INSYN2B: variants seen among roughly 807,000 people sequenced by gnomAD.
INSYN2B encodes the protein inhibitory synaptic factor family member 2B.
In INSYN2B, 16 loss-of-function variants were observed where a neutral mutation model predicts 41.2. That is an observed-to-expected ratio of 0.39 (90% confidence interval 0.26 to 0.59). The LOEUF (loss-of-function observed/expected upper bound fraction) is 0.59. Ranked by LOEUF, INSYN2B falls within the 20% of genes least tolerant of loss-of-function variation. The pLI is 0.57. For synonymous variants in INSYN2B, 245 were observed against 244.4 expected (o/e 1.00, Z -0.02); for missense variants, 608 against 646.4 (o/e 0.94, Z 0.64).
Position 169,886,652 on chromosome 5 carries a change from C to T in INSYN2B, c.-918-1836G>A, listed in dbSNP as rs546307098. Among the ~76,000 whole-genome samples, 17 of 152,298 alleles carry T rather than the reference C, an allele frequency of 1.1e-4. No individual in the cohort carries two copies. The South Asian group carries it at 2.5e-3, about 22-fold the overall frequency. ...AAAATAACCTCCTGTATATTATCCCCGTTTTGCAGAGTAAGCAGTTGAAAT... is the reference window on the plus strand; with the variant it reads ...AAAATAACCTCCTGTATATTATCCCTGTTTTGCAGAGTAAGCAGTTGAAAT... On this transcript the variant is annotated intron_variant, in intron 1 of 3. Coordinates refer to ENST00000377365, the MANE Select transcript of INSYN2B (RefSeq NM_001129891.3).
At chr5:169,971,411 C>T (rs1041986578) in intron 1 of INSYN2B, among the ~76,000 whole-genome samples, 1 of 145,078 alleles carries the variant, frequency 6.9e-6, no homozygotes, top group Non-Finnish European at 1.5e-5. Context: ...TTCCTTCTGC[C>T]CCTTTCCTCC....
chr5:169,930,953 C>T (rs2113681543), intron 1 of INSYN2B, among the ~76,000 whole-genome samples: 1 of 152,322 alleles, frequency 6.6e-6, no homozygotes, highest in African/African-American at 2.4e-5. Context: ...TGGGCCAGTC[C>T]CTTTTACAAG....
chr5:169,958,286 T>G (rs181076260), intron 1 of INSYN2B, among the ~76,000 whole-genome samples: 2 of 152,268 alleles, frequency 1.3e-5, no homozygotes, highest in East Asian at 3.9e-4. Flanking sequence ...AATAAGAAGC[T>G]TATGAATCTA....
At chr5:169,951,992 G>T (rs566955092) in intron 1 of INSYN2B, among the ~76,000 whole-genome samples, 1 of 152,180 alleles carries the variant, frequency 6.6e-6, no homozygotes, top group Non-Finnish European at 1.5e-5. Context: ...TTATACAAAT[G>T]ACATTGTTGG....
intron 1 of INSYN2B, among the ~76,000 whole-genome samples, chr5:169,892,773 T>C (rs571536552): frequency 6.6e-6 from 1 of 152,334 alleles, no homozygotes; most frequent in South Asian, 2.1e-4. Context: ...CAGAGGACAG[T>C]AGAGTGAACA....
intron 3 of INSYN2B, chr5:169,875,289 G>T: frequency 2.2e-6 from 1 of 456,602 alleles, no homozygotes; most frequent in Non-Finnish European, 4.4e-6. Context: ...GTGGCTTTGG[G>T]GCTGAAACCC....
In INSYN2B at chr5:169,936,742, A is replaced by T. The variant is rs1581443303; in HGVS notation, c.-919+43535T>A. On this transcript the variant is annotated intron_variant, in intron 1 of 3. Transcript: ENST00000377365. ...TATAGATTTGGTGCACCAACACTGCACTGTCCTCATGAATAATCTCTGATC... is the reference window on the plus strand; with the variant it reads ...TATAGATTTGGTGCACCAACACTGCTCTGTCCTCATGAATAATCTCTGATC... Among the ~76,000 whole-genome samples, 3 of 152,066 alleles carry T rather than the reference A, an allele frequency of 2.0e-5. No homozygotes were observed. The East Asian group carries it at 5.8e-4, about 29-fold the overall frequency.
Position 169,883,821 on chromosome 5 carries a change from T to C in INSYN2B, c.78A>G (p.Gln26=), listed in dbSNP as rs923290398. 1.9e-6 allele frequency: 3 copies of C among 1,549,434 alleles called. No individual in the cohort carries two copies. The Admixed American group carries it at 5.9e-5, about 31-fold the overall frequency. The change falls in exon 2 of 4, where the codon CAA becomes CAG. Residue 26 remains glutamine (Q), a synonymous_variant. Coordinates refer to ENST00000377365, the MANE Select transcript of INSYN2B (RefSeq NM_001129891.3). ...GGGATTTGCTCCTGCGGTGGTGAGG[T>C]TGTTTCACAAACTCCACTGATTCTA... ...NSLESVEFVK[Q]PHHRRSKSQQ... is the part of the protein sequence containing the mutation.
intron 1 of INSYN2B, among the ~76,000 whole-genome samples, chr5:169,963,473 C>T (rs1446034521): frequency 6.6e-6 from 1 of 152,116 alleles, no homozygotes; most frequent in African/African-American, 2.4e-5. Flanking sequence ...GTCCTAGGCC[C>T]ATTGTGGTCA....
chr5:169,969,102 A>T (rs1297658776), intron 1 of INSYN2B, among the ~76,000 whole-genome samples: 1 of 152,166 alleles, frequency 6.6e-6, no homozygotes, highest in Non-Finnish European at 1.5e-5. Context: ...GTGAGCCATG[A>T]TCATGCCACT....
At chr5:169,963,732 G>A (rs1480312047) in intron 1 of INSYN2B, among the ~76,000 whole-genome samples, 3 of 152,082 alleles carry the variant, frequency 2.0e-5, no homozygotes, top group Admixed American at 2.0e-4. Flanking sequence ...CCTACCAGCA[G>A]CATTTTTCCC....
chr5:169,934,154 T>C (rs1407596340), intron 1 of INSYN2B, among the ~76,000 whole-genome samples: 1 of 152,098 alleles, frequency 6.6e-6, no homozygotes, highest in Non-Finnish European at 1.5e-5. Flanking sequence ...TGTTCCCAAT[T>C]AGGGGTTGGC....
chr5:169,922,831 G>A lies in INSYN2B; in HGVS notation c.-918-38015C>T, dbSNP rs115411746. On this transcript the variant is annotated intron_variant, in intron 1 of 3. Transcript: ENST00000377365. ...TTTGAGTATCTGATACATTCTGGGT[G>A]GTTTTCCAAGGGGAATTCTTTGAAA... 5.8e-3 allele frequency among the ~76,000 whole-genome samples: 876 copies of A among 152,236 alleles called. 6 individuals carry two copies. Among genetic ancestry groups the A allele is most frequent in the African/African-American group, 0.02 (828 of 41,528 alleles).
intron 1 of INSYN2B, among the ~76,000 whole-genome samples, chr5:169,919,076 C>T (rs1775033981): frequency 1.3e-5 from 2 of 152,286 alleles, no homozygotes; most frequent in South Asian, 4.1e-4. Flanking sequence ...CATAATATTT[C>T]AGCCTTTTCC....
chr5:169,921,480 T>C (rs751312909), intron 1 of INSYN2B, among the ~76,000 whole-genome samples: 4 of 152,234 alleles, frequency 2.6e-5, no homozygotes, highest in African/African-American at 2.4e-5. Context: ...ACACATTCCA[T>C]GGAACACTAA....
rs534445837 is a variant in INSYN2B at position 169,862,647 on chromosome 5, T to C, written c.*1626A>G. Among the ~76,000 whole-genome samples the C allele has an allele frequency of 6.6e-6, 1 of 152,370 alleles. No individual in the cohort carries two copies. Among genetic ancestry groups the C allele is most frequent in the South Asian group, 2.1e-4 (1 of 4,832 alleles). On this transcript the variant is annotated 3_prime_UTR_variant, in exon 4 of 4. Coordinates refer to ENST00000377365, the MANE Select transcript of INSYN2B (RefSeq NM_001129891.3). ...GATTCTGTGGGCTTAAACATTACAC[T>C]AGAAACAGAACAAGAACATCTTGAA...
chr5:169,968,727 G>C (rs1033767938), intron 1 of INSYN2B, among the ~76,000 whole-genome samples: 7 of 152,166 alleles, frequency 4.6e-5, no homozygotes, highest in African/African-American at 1.7e-4. Context: ...GGTACTCCCT[G>C]GGTCAGCTCA....
chr5:169,867,574 T>C (rs1186470129), intron 3 of INSYN2B, among the ~76,000 whole-genome samples: 1 of 152,028 alleles, frequency 6.6e-6, no homozygotes, highest in Non-Finnish European at 1.5e-5. Flanking sequence ...TTATCTATCA[T>C]CTATCTGTCA....
intron 1 of INSYN2B, among the ~76,000 whole-genome samples, chr5:169,958,585 C>CTT (rs3079788): frequency 0.38 from 57,466 of 150,868 alleles, 11,090 homozygotes; most frequent in South Asian, 0.5. Context: ...TCCTGGGTTT[C>CTT]TTTTTTTTTG....
Sources: allele counts gnomAD v4.1 joint callset (sites outside exome capture counted in the v4.1 genomes callset), GRCh38; gene constraint gnomAD v4.1.1; transcripts MANE v1.5; gene names NCBI Gene and HGNC (gene_info 2026-07-23, HGNC 2026-07-21).